Variants in SHISA6 observed in about 807,000 individuals in gnomAD.
The protein encoded by SHISA6 is shisa family member 6.
SHISA6 carries 22 observed loss-of-function variants against 47.9 expected under a neutral mutation model. The ratio of observed to expected loss-of-function variants is 0.46; its 90% CI spans 0.33 to 0.66. The LOEUF (loss-of-function observed/expected upper bound fraction) is 0.66, where lower values mean the gene tolerates loss of function less well. Ranked by LOEUF, SHISA6 falls within the 30% of genes least tolerant of loss-of-function variation. The pLI is 0.02. For synonymous variants in SHISA6, 388 were observed against 337.8 expected (o/e 1.15, Z -1.63); for missense variants, 680 against 764.6 (o/e 0.89, Z 1.30).
chr17:11,399,781 G>T (rs865866628), intron 3 of SHISA6, among the ~76,000 whole-genome samples: 78 of 152,094 alleles, frequency 5.1e-4, no homozygotes, highest in African/African-American at 1.7e-3. Flanking sequence ...AAACGTTTAT[G>T]GAAATGTTGA....
intron 3 of SHISA6, among the ~76,000 whole-genome samples, chr17:11,401,658 G>C (rs892611395): frequency 6.6e-6 from 1 of 152,146 alleles, no homozygotes; most frequent in Non-Finnish European, 1.5e-5. Context: ...TTGGTGTCTG[G>C]ATACCAACAA....
intron 2 of SHISA6, among the ~76,000 whole-genome samples, chr17:11,315,487 G>A (rs1367127839): frequency 5.3e-5 from 8 of 151,850 alleles, no homozygotes; most frequent in Non-Finnish European, 1.0e-4. Context: ...GCGGTAACAG[G>A]CATCCCTTAT....
intron 2 of SHISA6, among the ~76,000 whole-genome samples, chr17:11,292,095 C>G (rs1302379995): frequency 6.6e-6 from 1 of 152,118 alleles, no homozygotes; most frequent in East Asian, 1.9e-4. Context: ...ATCTCTTGCA[C>G]TTATTCTTCC....
At chr17:11,443,193 T>C (rs1374647123) in intron 3 of SHISA6, among the ~76,000 whole-genome samples, 1 of 152,176 alleles carries the variant, frequency 6.6e-6, no homozygotes, top group African/African-American at 2.4e-5. Flanking sequence ...TTGAAGACTT[T>C]CTTTTTTTCT....
At chr17:11,429,006 A>T (rs1416531807) in intron 3 of SHISA6, among the ~76,000 whole-genome samples, 2 of 151,864 alleles carry the variant, frequency 1.3e-5, no homozygotes, top group African/African-American at 4.8e-5. Context: ...GGATGGTCTC[A>T]TCTGGATCTC....
chr17:11,451,843 A>G (rs904544500), intron 3 of SHISA6, among the ~76,000 whole-genome samples: 2 of 152,244 alleles, frequency 1.3e-5, no homozygotes, highest in East Asian at 3.9e-4. Context: ...GAGATGTTCA[A>G]GCTTTAGGAA....
chr17:11,380,125 T>G (rs2142245574), intron 3 of SHISA6: 1 of 152,400 alleles, frequency 6.6e-6, no homozygotes, highest in South Asian at 2.1e-4. Flanking sequence ...CTCAATTCTG[T>G]CTTTTGTTTA....
At chr17:11,281,735 A>G (rs866010981) in intron 2 of SHISA6, among the ~76,000 whole-genome samples, 20 of 152,200 alleles carry the variant, frequency 1.3e-4, no homozygotes, top group African/African-American at 2.9e-4. Context: ...GAAGGCATCA[A>G]TGCCTAGAAT....
chr17:11,336,299 T>C (rs1911317722), intron 2 of SHISA6, among the ~76,000 whole-genome samples: 2 of 152,130 alleles, frequency 1.3e-5, no homozygotes, highest in Admixed American at 1.3e-4. Flanking sequence ...CTGATCTTTA[T>C]AGACACTTTT....
At chr17:11,513,217 TTA>T (rs559002479) in intron 3 of SHISA6, among the ~76,000 whole-genome samples, 64 of 149,132 alleles carry the variant, frequency 4.3e-4, no homozygotes, top group African/African-American at 7.4e-4. Context: ...TATGTATGTG[TTA>T]TATATATATA....
At chr17:11,325,342 G>A (rs1257369943) in intron 2 of SHISA6, among the ~76,000 whole-genome samples, 2 of 152,210 alleles carry the variant, frequency 1.3e-5, no homozygotes, top group African/African-American at 4.8e-5. Context: ...TGGGACATCT[G>A]CAATATTTCC....
intron 3 of SHISA6, among the ~76,000 whole-genome samples, chr17:11,511,401 G>C (rs1597560220): frequency 6.6e-6 from 1 of 152,164 alleles, no homozygotes; most frequent in Non-Finnish European, 1.5e-5. Flanking sequence ...ATGTATACCT[G>C]TGTAACAAGC....
intron 2 of SHISA6, among the ~76,000 whole-genome samples, chr17:11,332,699 T>C (rs1297124528): frequency 6.6e-6 from 1 of 152,162 alleles, no homozygotes; most frequent in Non-Finnish European, 1.5e-5. Context: ...TTTCCAGGCC[T>C]TTAAATTCAA....
At position 11,256,483 on chromosome 17, in the gene SHISA6, G is replaced by A. The variant is rs540263540; in HGVS notation, c.639-6883G>A. Among the ~76,000 whole-genome samples, 9 of 152,174 alleles carry A rather than the reference G, an allele frequency of 5.9e-5. No individual in the cohort carries two copies. In the East Asian group the frequency reaches 1.4e-3, roughly 23 times the overall value. ...TGCACTCCAGTCTGGGTAACAGAGC[G>A]AGACTCTATCTCAAAAAACAAAACA... On this transcript the variant is annotated intron_variant, in intron 1 of 5. Coordinates refer to ENST00000441885, the MANE Select transcript of SHISA6 (RefSeq NM_207386.4).
chr17:11,403,708 G>C (rs1042215122), intron 3 of SHISA6, among the ~76,000 whole-genome samples: 1 of 152,166 alleles, frequency 6.6e-6, no homozygotes, highest in Non-Finnish European at 1.5e-5. Flanking sequence ...CGGCACTGGT[G>C]GTGGCTTTTC....
intron 2 of SHISA6, among the ~76,000 whole-genome samples, chr17:11,317,230 T>A (rs1376860543): frequency 6.6e-6 from 1 of 152,122 alleles, no homozygotes; most frequent in Admixed American, 6.5e-5. Flanking sequence ...TTTGTCAAAC[T>A]CTCTTTTATT....
chr17:11,262,242 G>C (rs1908257267), intron 1 of SHISA6, among the ~76,000 whole-genome samples: 1 of 152,188 alleles, frequency 6.6e-6, no homozygotes, highest in Non-Finnish European at 1.5e-5. Context: ...CACTTTTCAT[G>C]GGGGCAGAGT....
intron 3 of SHISA6, among the ~76,000 whole-genome samples, chr17:11,470,939 G>A (rs1243268940): frequency 2.0e-5 from 3 of 152,124 alleles, no homozygotes; most frequent in Non-Finnish European, 4.4e-5. Context: ...GCCGGGTGTG[G>A]TGGTTCACAT....
intron 1 of SHISA6, among the ~76,000 whole-genome samples, chr17:11,252,809 G>T (rs1907865083): frequency 6.6e-6 from 1 of 152,204 alleles, no homozygotes; most frequent in Non-Finnish European, 1.5e-5. Flanking sequence ...AGCTGAGGCT[G>T]CTCCAGAACT....
Sources: gnomAD v4.1 joint callset for allele counts (sites outside exome capture counted in the v4.1 genomes callset) on GRCh38, gnomAD v4.1.1 for gene constraint, MANE v1.5 for transcripts, NCBI Gene and HGNC (gene_info 2026-07-23, HGNC 2026-07-21) for gene names.